Variants in ADPRHL1 observed in about 807,000 individuals in gnomAD.
ADPRHL1 encodes the protein inactive ADP-ribosyltransferase ARH2.
In ADPRHL1, 43 loss-of-function variants were observed where a neutral mutation model predicts 44.1. The ratio of observed to expected loss-of-function variants is 0.98; its 90% CI spans 0.76 to 1.26. The LOEUF is 1.26. Among genes scored for constraint, ADPRHL1 ranks in the 50% most tolerant of loss-of-function variants. The pLI is 0.00. For synonymous variants in ADPRHL1, 878 were observed against 1,017.4 expected (o/e 0.86, Z 2.61); for missense variants, 2,022 against 2,496.9 (o/e 0.81, Z 4.05).
intron 2 of ADPRHL1, among the ~76,000 whole-genome samples, chr13:113,440,850 C>T (rs2044092864): frequency 6.6e-6 from 1 of 152,022 alleles, no homozygotes; most frequent in South Asian, 2.1e-4. Context: ...TGTTTGTTTG[C>T]TTGTTTTTAG....
In ADPRHL1 at chr13:113,409,299, T is replaced by A. The variant is rs1223912424; in HGVS notation, c.1062-1079A>T. 2 of 985,318 alleles carry A rather than the reference T, an allele frequency of 2.0e-6. No homozygotes were observed. The highest frequency in any genetic ancestry group is 2.4e-6 in the Non-Finnish European group (2 of 829,936). The allele number at this position is 985,318 out of a possible 1,614,324, so 61.0% of individuals were successfully genotyped here. A position where few individuals can be genotyped will look rare whatever the true frequency, so the allele number is the denominator to read the frequency against. On this transcript the variant is annotated intron_variant, in intron 7 of 7. Coordinates refer to ENST00000612156, the MANE Select transcript of ADPRHL1 (RefSeq NM_001394807.1). The surrounding 1 kb of genome is among the most constrained non-coding windows in gnomAD (Gnocchi z 4.2). Reference sequence around the variant, plus strand: ...CTGTGGCAGGGGGTGGAGCCGTCTCTGACCTCCCCAGATGATAATTTTGGG... The same window carrying A: ...CTGTGGCAGGGGGTGGAGCCGTCTCAGACCTCCCCAGATGATAATTTTGGG...
chr13:113,424,077 C>T, intron 6 of ADPRHL1, 140 bp downstream of exon 6: 1 of 1,240,280 alleles, frequency 8.1e-7, no homozygotes, highest in Admixed American at 2.7e-5. Flanking sequence ...AAGTGGGTTC[C>T]AGAAAGGAAG....
At chr13:113,419,064 T>TCCCTCCCTCCCTCCCTCCC (rs1413574035) in intron 7 of ADPRHL1, among the ~76,000 whole-genome samples, 7 of 16,648 alleles carry the variant, frequency 4.2e-4, no homozygotes, top group African/African-American at 1.0e-3. Context: ...TTCTCCTTCC[T>TCCCTCCCTCCCTCCCTCCC]TCACTCCCTC....
At position 113,428,935 on chromosome 13, in the gene ADPRHL1, C is replaced by A. The variant is rs111764520; in HGVS notation, c.646+17G>T. On this transcript the variant is annotated intron_variant, in intron 4 of 7. Coordinates refer to ENST00000612156, the MANE Select transcript of ADPRHL1 (RefSeq NM_001394807.1). ...GATCTGCTCTGAGTGCGGACTGGGG[C>A]CGGGGGAGCGGCTCACCTGCCGTGT... 5.3e-5 allele frequency: 86 copies of A among 1,611,652 alleles called. No homozygotes were observed. In the East Asian group the frequency reaches 1.8e-3, roughly 35 times the overall value.
chr13:113,451,734 G>A (rs1001516566), intron 1 of ADPRHL1, among the ~76,000 whole-genome samples: 2 of 152,176 alleles, frequency 1.3e-5, no homozygotes, highest in Non-Finnish European at 2.9e-5. Context: ...CTTGAACCTG[G>A]GAGGTGGAGG....
Position 113,405,566 on chromosome 13 carries a change from G to C in ADPRHL1, c.3716C>G (p.Thr1239Arg). 8.1e-7 allele frequency: 1 copy of C among 1,232,158 alleles called. No homozygotes were observed. The highest frequency in any genetic ancestry group is 1.0e-6 in the Non-Finnish European group (1 of 988,270). The allele number at this position is 1,232,158 out of a possible 1,614,324, so 76.3% of individuals were successfully genotyped here. The change falls in exon 8 of 8, where the codon ACA becomes AGA. Residue 1239 changes from threonine to arginine, a missense_variant. Around this residue, in one of 8 missense-constraint regions of ADPRHL1, gnomAD observed 1,221 missense variants for 1,517.8 expected, o/e 0.80. Coordinates refer to ENST00000612156, the MANE Select transcript of ADPRHL1 (RefSeq NM_001394807.1). ...ATCCTTTCTGCCTCCTACAGCTGCTGTATGTCTGCTGGCTGCTGATGTGTT... is the reference window on the plus strand; with the variant it reads ...ATCCTTTCTGCCTCCTACAGCTGCTCTATGTCTGCTGGCTGCTGATGTGTT... ...ISNTSAASRH[T>R]AAVGGRKDVA...
chr13:113,400,125 GT>G lies in ADPRHL1; in HGVS notation c.*3252del, dbSNP rs2043745616. 7.0e-6 allele frequency: 1 copy of G among 143,598 alleles called. No homozygotes were observed. Among genetic ancestry groups the G allele is most frequent in the Admixed American group, 6.8e-5 (1 of 14,646 alleles). 8.9% of individuals were successfully genotyped at this position (143,598 alleles called of 1,614,324 possible). ...ACTAAGAAGCTAAAATAAATATCCT[GT>G]TTTCTTTTCTTTTCTTTTCTTCTTT... On this transcript the variant is annotated 3_prime_UTR_variant, in exon 8 of 8. Transcript: ENST00000612156.
Position 113,406,639 on chromosome 13 carries a change from A to G in ADPRHL1, c.2643T>C (p.Asn881=), listed in dbSNP as rs903020992. The G allele has an allele frequency of 3.3e-6, 4 of 1,227,780 alleles. No individual in the cohort carries two copies. The highest frequency in any genetic ancestry group is 4.1e-6 in the Non-Finnish European group (4 of 987,224). The allele number at this position is 1,227,780 out of a possible 1,614,324, so 76.1% of individuals were successfully genotyped here. Residue 881 remains asparagine (N), a synonymous_variant, in exon 8 of 8, where the codon AAT becomes AAC. Transcript: ENST00000612156. ...CICGGENVVE[N]AHTEFPTVTE... is the part of the protein sequence containing the mutation. ...TCACGGTGGGAAATTCTGTGTGGGC[A>G]TTTTCAACCACATTCTCTCCTCCAC...
chr13:113,429,939 G>C (rs774051173), intron 3 of ADPRHL1, among the ~76,000 whole-genome samples: 1 of 152,240 alleles, frequency 6.6e-6, no homozygotes. Context: ...ATGCATGCGA[G>C]TATATATGTA....
At chr13:113,446,910 T>C (rs1210081121) in intron 1 of ADPRHL1, among the ~76,000 whole-genome samples, 1 of 148,968 alleles carries the variant, frequency 6.7e-6, no homozygotes, top group Non-Finnish European at 1.5e-5. Context: ...TGTGTGTGCA[T>C]GGTGTCTACA....
intron 2 of ADPRHL1, among the ~76,000 whole-genome samples, chr13:113,434,513 C>A (rs1322589242): frequency 6.6e-6 from 1 of 150,742 alleles, no homozygotes. Flanking sequence ...CGGGACCCAG[C>A]ATCCACATGT....
intron 7 of ADPRHL1, chr13:113,422,594 G>A (rs1048928933): frequency 5.1e-6 from 3 of 588,630 alleles, no homozygotes; most frequent in Non-Finnish European, 8.7e-6. Context: ...GCAAATCTAC[G>A]CAGTGTCAAT....
At chr13:113,411,557 G>A (rs930899098) in intron 7 of ADPRHL1, among the ~76,000 whole-genome samples, 11 of 152,200 alleles carry the variant, frequency 7.2e-5, no homozygotes, top group South Asian at 6.2e-4. Flanking sequence ...TTGGCCACCC[G>A]GTCCAGCTCT....
chr13:113,422,790 G>C (rs770946387), intron 7 of ADPRHL1, 36 bp downstream of exon 7: 6 of 1,611,208 alleles, frequency 3.7e-6, no homozygotes, highest in Non-Finnish European at 5.1e-6. Flanking sequence ...GGGTGGAATC[G>C]GCTCTCTAGG....
intron 7 of ADPRHL1, among the ~76,000 whole-genome samples, chr13:113,417,220 G>T (rs951227935): frequency 1.3e-5 from 2 of 152,186 alleles, no homozygotes; most frequent in Non-Finnish European, 2.9e-5. Context: ...ACAAGACAAG[G>T]CTGTCCCCCC....
rs945159422 is a variant in ADPRHL1, at chr13:113,409,798, C to A, written c.1062-1578G>T. 5.4e-5 allele frequency among the ~76,000 whole-genome samples: 8 copies of A among 147,998 alleles called. No homozygotes were observed. The highest frequency in any genetic ancestry group is 7.5e-5 in the African/African-American group (3 of 39,864). On this transcript the variant is annotated intron_variant, in intron 7 of 7. Coordinates refer to ENST00000612156, the MANE Select transcript of ADPRHL1 (RefSeq NM_001394807.1). The surrounding 1 kb of genome is among the most constrained non-coding windows in gnomAD (Gnocchi z 4.2). ...CAGCTACTTGGGAGGCTGAGGCAGG[C>A]GAATGGCGTGAACCCAGGAGGCAGA... is the stretch of plus-strand genomic sequence containing the variant.
chr13:113,444,031 T>C (rs1457720613), intron 2 of ADPRHL1, among the ~76,000 whole-genome samples: 2 of 152,142 alleles, frequency 1.3e-5, no homozygotes, highest in Non-Finnish European at 2.9e-5. Flanking sequence ...AAAATATTTA[T>C]AATATATAGA....
At position 113,423,012 on chromosome 13, in the gene ADPRHL1, C is replaced by T. The variant is rs756983061; in HGVS notation, c.908-33G>A. 11 of 1,611,844 alleles carry T rather than the reference C, an allele frequency of 6.8e-6. No homozygotes were observed. In the Admixed American group the frequency reaches 1.7e-4, roughly 24 times the overall value. On this transcript the variant is annotated intron_variant, in intron 6 of 7. Coordinates refer to ENST00000612156, the MANE Select transcript of ADPRHL1 (RefSeq NM_001394807.1). ...GCAAAGGCAGCAGTTGCAGTGGGCT[C>T]CACCTGACCAGGGCCTCTGCAAGAC... is the stretch of plus-strand genomic sequence containing the variant.
chr13:113,424,722 A>C, intron 5 of ADPRHL1, among the ~76,000 whole-genome samples: 1 of 3,030 alleles, frequency 3.3e-4, no homozygotes, highest in African/African-American at 1.1e-3. Context: ...CCACACATTT[A>C]CCTACCCATC....
Sources: gnomAD v4.1 joint callset for allele counts (sites outside exome capture counted in the v4.1 genomes callset) on GRCh38, gnomAD v4.1.1 for gene constraint, gnomAD v4.1.1 regional missense constraint, Gnocchi (gnomAD v3.1) non-coding constraint, MANE v1.5 for transcripts, NCBI Gene and HGNC (gene_info 2026-07-23, HGNC 2026-07-21) for gene names.